HEPH: variants seen among roughly 807,000 people sequenced by gnomAD.
HEPH encodes hephaestin.
HEPH carries 69 observed loss-of-function variants against 80.8 expected under a neutral mutation model. The ratio of observed to expected loss-of-function variants is 0.85; its 90% CI spans 0.70 to 1.04. HEPH has a LOEUF of 1.04. Ranked by LOEUF, HEPH falls within the 50% of genes least tolerant of loss-of-function variation. HEPH has a pLI of 0.00. For missense variants in HEPH, 1,115 were observed against 891.3 expected, an observed-to-expected ratio of 1.25 and a Z score of -3.20; for synonymous variants, 431 against 322.8, an observed-to-expected ratio of 1.34 and a Z score of -3.60.
intron 15 of HEPH, among the ~76,000 whole-genome samples, chrX:66,224,827 C>T (rs1178758081): frequency 9.2e-6 from 1 of 108,917 alleles, no homozygotes; most frequent in Non-Finnish European, 1.9e-5. Flanking sequence ...TTGTATCTCT[C>T]TCTCTCTCTC....
In HEPH at chrX:66,224,619, G is replaced by A. The variant is rs139515681; in HGVS notation, c.2563+16373G>A. Among the ~76,000 whole-genome samples the A allele has an allele frequency of 7.3e-3, 812 of 111,964 alleles. 10 individuals carry two copies. Among genetic ancestry groups the A allele is most frequent in the African/African-American group, 0.024 (737 of 30,812 alleles). ...GCTGCTATAGATTGAATGCATTTGG[G>A]CCATCCAGGGGTTACTGGGTTAAGG... On this transcript the variant is annotated intron_variant, in intron 15 of 20. Coordinates refer to ENST00000343002, the MANE Select transcript of HEPH (RefSeq NM_001367233.3).
chrX:66,162,856 C>A, upstream of HEPH: 1 of 1,154,602 alleles, frequency 8.7e-7, no homozygotes. Flanking sequence ...CTGCTCCTAG[C>A]CAAGATCTCC....
At chrX:66,175,598 A>G (rs1384066230) in intron 4 of HEPH, among the ~76,000 whole-genome samples, 1 of 111,711 alleles carries the variant, frequency 9.0e-6, no homozygotes, top group Admixed American at 9.5e-5. Context: ...TGCTTTTGGC[A>G]GTGTGGTTAT....
intron 6 of HEPH, among the ~76,000 whole-genome samples, chrX:66,191,792 C>T (rs1201595230): frequency 1.3e-4 from 15 of 111,718 alleles, no homozygotes; most frequent in Admixed American, 1.1e-3. Context: ...TGCCTAAGGT[C>T]CTACAGATAG....
chrX:66,246,365 G>A (rs972380889), intron 15 of HEPH, among the ~76,000 whole-genome samples: 1 of 111,694 alleles, frequency 9.0e-6, no homozygotes, highest in Non-Finnish European at 1.9e-5. Flanking sequence ...AGTTTAGGTA[G>A]AAGTGAGACC....
chrX:66,191,735 A>T (rs1405775305), intron 6 of HEPH, among the ~76,000 whole-genome samples: 1 of 111,711 alleles, frequency 9.0e-6, no homozygotes, highest in South Asian at 3.8e-4. Context: ...GGATTTTCCT[A>T]TTCTCTCCTT....
upstream of HEPH, chrX:66,164,179 A>G (rs2086266495): frequency 1.3e-6 from 1 of 750,922 alleles, no homozygotes. Context: ...AGGATTTGTA[A>G]AACACCCGGA....
chrX:66,247,842 T>C (rs949368088), intron 15 of HEPH, among the ~76,000 whole-genome samples: 2 of 111,808 alleles, frequency 1.8e-5, no homozygotes, highest in Non-Finnish European at 3.8e-5. Flanking sequence ...TCCAATACCA[T>C]AGCCACCAGT....
chrX:66,208,962 C>A (rs2088965342), intron 15 of HEPH, among the ~76,000 whole-genome samples: 1 of 109,451 alleles, frequency 9.1e-6, no homozygotes, highest in South Asian at 4.0e-4. Flanking sequence ...ACATACTAAG[C>A]TCCTAATACT....
intron 18 of HEPH, 137 bp downstream of exon 18, chrX:66,259,116 G>A (rs1226805776): frequency 1.1e-5 from 7 of 643,411 alleles, no homozygotes; most frequent in Non-Finnish European, 1.5e-5. Context: ...GCACTGAGCT[G>A]GAAATTCTAG....
At chrX:66,186,782 C>A (rs957364112) in intron 4 of HEPH, among the ~76,000 whole-genome samples, 1 of 112,279 alleles carries the variant, frequency 8.9e-6, no homozygotes, top group African/African-American at 3.2e-5. Flanking sequence ...CTATCAAGGC[C>A]AGGGAAGTTT....
chrX:66,192,029 G>A (rs1468425456), intron 6 of HEPH, 101 bp from the exon 7 acceptor site: 22 of 813,377 alleles, frequency 2.7e-5, no homozygotes, highest in Non-Finnish European at 3.5e-5. Context: ...GAGAGTAGTG[G>A]AGGGTGGGTG....
At chrX:66,169,355 T>C (rs2086493184) in intron 1 of HEPH, among the ~76,000 whole-genome samples, 2 of 112,124 alleles carry the variant, frequency 1.8e-5, no homozygotes, top group African/African-American at 6.5e-5. Flanking sequence ...GCATCTCTGC[T>C]TTTAGGTAAG....
chrX:66,241,003 C>G (rs1359594190), intron 15 of HEPH, among the ~76,000 whole-genome samples: 1 of 111,659 alleles, frequency 9.0e-6, no homozygotes, highest in Non-Finnish European at 1.9e-5. Flanking sequence ...ATAAGCCTGG[C>G]CAACTTGGAG....
intron 15 of HEPH, among the ~76,000 whole-genome samples, chrX:66,218,865 T>A (rs1227940003): frequency 8.9e-6 from 1 of 112,044 alleles, no homozygotes; most frequent in African/African-American, 3.3e-5. Flanking sequence ...ACTGATTAGG[T>A]CAGGGGTCAA....
At position 66,217,953 on chromosome X, in the gene HEPH, T is replaced by C. The variant is rs749317673; in HGVS notation, c.2563+9707T>C. On this transcript the variant is annotated intron_variant, in intron 15 of 20. Transcript: ENST00000343002. ...AAAAAAGGCAAAGAGGAACAGACAT[T>C]ATATAATAATAAAAGGACTAATGCA... Among the ~76,000 whole-genome samples, 3 of 111,597 alleles carry C rather than the reference T, an allele frequency of 2.7e-5. No individual in the cohort carries two copies. In the South Asian group the frequency reaches 1.1e-3, roughly 42 times the overall value.
chrX:66,236,415 T>C (rs897292621), intron 15 of HEPH, among the ~76,000 whole-genome samples: 7 of 112,007 alleles, frequency 6.2e-5, no homozygotes, highest in South Asian at 3.7e-4. Context: ...ATGAATCCCA[T>C]TTATTGATGT....
At chrX:66,195,353 T>G (rs1028948338) in intron 9 of HEPH, 124 bp downstream of exon 9, 4 of 458,721 alleles carry the variant, frequency 8.7e-6, no homozygotes, top group Admixed American at 6.2e-5. Context: ...TGGATGTTGT[T>G]GAATGAATGA....
In HEPH at chrX:66,180,279, G is replaced by A. The variant is rs149388715; in HGVS notation, c.625+6478G>A. ...GTTTCAAGATTTAGAGCTCCTTTTA[G>A]CAGTTCTTGTAGTGGTGGCTTGGTA... On this transcript the variant is annotated intron_variant, in intron 4 of 20. Transcript: ENST00000343002. 6.8e-4 allele frequency among the ~76,000 whole-genome samples: 76 copies of A among 110,965 alleles called. 1 individual carries two copies. The East Asian group carries it at 0.02, about 29-fold the overall frequency.
Sources: allele counts gnomAD v4.1 joint callset (sites outside exome capture counted in the v4.1 genomes callset), GRCh38; gene constraint gnomAD v4.1.1; transcripts MANE v1.5; gene names NCBI Gene and HGNC (gene_info 2026-07-23, HGNC 2026-07-21).